Variants in GPC6 observed in about 807,000 individuals in gnomAD.
The protein encoded by GPC6 is glypican-6.
GPC6 carries 14 observed loss-of-function variants against 55.2 expected under a neutral mutation model. That is an observed-to-expected ratio of 0.25 (90% CI 0.17 to 0.40). The LOEUF is 0.40. Ranked by LOEUF, GPC6 falls within the 10% of genes least tolerant of loss-of-function variation. GPC6 has a pLI of 1.00. For synonymous variants in GPC6, 278 were observed against 259.6 expected (o/e 1.07, Z -0.68); for missense variants, 641 against 708.5 (o/e 0.90, Z 1.08).
intron 3 of GPC6, among the ~76,000 whole-genome samples, chr13:93,912,543 A>T (rs573653369): frequency 3.3e-5 from 5 of 152,098 alleles, no homozygotes; most frequent in African/African-American, 1.2e-4. Flanking sequence ...GGAGATCGAG[A>T]CCATCCTGGC....
chr13:94,144,202 C>T (rs150831338), intron 4 of GPC6, among the ~76,000 whole-genome samples: 2 of 152,030 alleles, frequency 1.3e-5, no homozygotes, highest in East Asian at 3.9e-4. Context: ...GTACCTGTAA[C>T]CACAGAGGGC....
At chr13:93,551,303 T>G (rs1250893538) in intron 2 of GPC6, among the ~76,000 whole-genome samples, 1 of 49,268 alleles carries the variant, frequency 2.0e-5, no homozygotes, top group Admixed American at 1.9e-4. Context: ...TTTACTGTTT[T>G]CTAACAAAAA....
chr13:94,199,739 A>C (rs1255849789), intron 4 of GPC6, among the ~76,000 whole-genome samples: 1 of 152,094 alleles, frequency 6.6e-6, no homozygotes, highest in South Asian at 2.1e-4. Flanking sequence ...AATAAATGCT[A>C]CCTCTTATTG....
At position 93,409,808 on chromosome 13, in the gene GPC6, A is replaced by AT. The variant is rs1379503163; in HGVS notation, c.161-135451dup. Among the ~76,000 whole-genome samples, 5 of 152,306 alleles carry AT rather than the reference A, an allele frequency of 3.3e-5. No individual in the cohort carries two copies. The South Asian group carries it at 8.3e-4, about 25-fold the overall frequency. On this transcript the variant is annotated intron_variant, in intron 1 of 8. Transcript: ENST00000377047. ...GGCGGGAATAATCAAAGGAGGATAG[A>AT]TTTTCACGTTCAAACTGTGAGATGG...
At chr13:93,534,631 C>T (rs1380091350) in intron 1 of GPC6, among the ~76,000 whole-genome samples, 1 of 152,098 alleles carries the variant, frequency 6.6e-6, no homozygotes, top group East Asian at 1.9e-4. Flanking sequence ...CTGCTGTCAC[C>T]TCAGCATCTT....
intron 2 of GPC6, among the ~76,000 whole-genome samples, chr13:93,773,548 T>C (rs904142614): frequency 1.3e-5 from 2 of 152,178 alleles, no homozygotes; most frequent in Admixed American, 6.5e-5. Flanking sequence ...CTCAGTCTTA[T>C]GGTATGTGAC....
At chr13:93,527,181 A>AT (rs1881683435) in intron 1 of GPC6, among the ~76,000 whole-genome samples, 1 of 152,250 alleles carries the variant, frequency 6.6e-6, no homozygotes, top group South Asian at 2.1e-4. Flanking sequence ...AGTCAAACAA[A>AT]TTAACATATC....
chr13:94,021,659 ATGATTTTTGTT>A, intron 3 of GPC6, among the ~76,000 whole-genome samples: 1 of 152,098 alleles, frequency 6.6e-6, no homozygotes, highest in African/African-American at 2.4e-5. Context: ...AATGAACTCA[ATGATTTTTGTT>A]ATTTTATTTA....
At chr13:94,348,248 T>C (rs1346112892) in intron 6 of GPC6, among the ~76,000 whole-genome samples, 1 of 152,228 alleles carries the variant, frequency 6.6e-6, no homozygotes. Context: ...AATGTCACAG[T>C]ATATGGCATT....
intron 2 of GPC6, among the ~76,000 whole-genome samples, chr13:93,779,920 C>G (rs1390811927): frequency 6.6e-6 from 1 of 152,152 alleles, no homozygotes; most frequent in Admixed American, 6.5e-5. Flanking sequence ...CTGGAAGATG[C>G]TACTCTTTTC....
At chr13:94,037,608 A>G (rs1024353312) in intron 4 of GPC6, among the ~76,000 whole-genome samples, 10 of 151,970 alleles carry the variant, frequency 6.6e-5, no homozygotes, top group African/African-American at 2.2e-4. Flanking sequence ...TAATATTATG[A>G]TCTCCATTTT....
chr13:94,172,346 G>A (rs781035728), intron 4 of GPC6, among the ~76,000 whole-genome samples: 1 of 151,872 alleles, frequency 6.6e-6, no homozygotes, highest in Non-Finnish European at 1.5e-5. Context: ...CGAGATGATC[G>A]AGTGATCTTA....
intron 4 of GPC6, among the ~76,000 whole-genome samples, chr13:94,240,020 C>T (rs1358605430): frequency 1.3e-5 from 2 of 152,088 alleles, no homozygotes; most frequent in African/African-American, 4.8e-5. Flanking sequence ...AAGCTGAGAG[C>T]TTAAACTTGA....
At chr13:93,748,323 G>A (rs1035424276) in intron 2 of GPC6, among the ~76,000 whole-genome samples, 1 of 151,988 alleles carries the variant, frequency 6.6e-6, no homozygotes, top group Non-Finnish European at 1.5e-5. Flanking sequence ...CATGTTTTAT[G>A]TAGTAATTCC....
At chr13:94,003,661 C>G (rs1452016891) in intron 3 of GPC6, among the ~76,000 whole-genome samples, 2 of 152,120 alleles carry the variant, frequency 1.3e-5, no homozygotes, top group Non-Finnish European at 2.9e-5. Flanking sequence ...ACTCAAGATT[C>G]TATGATATTA....
chr13:93,226,331 A>C (rs544400296), upstream of GPC6, among the ~76,000 whole-genome samples: 1 of 152,202 alleles, frequency 6.6e-6, no homozygotes, highest in Non-Finnish European at 1.5e-5. Flanking sequence ...GAAATAAAAA[A>C]AGGGGAAATT....
At chr13:94,001,490 C>A (rs1881798716) in intron 3 of GPC6, among the ~76,000 whole-genome samples, 1 of 152,024 alleles carries the variant, frequency 6.6e-6, no homozygotes, top group Non-Finnish European at 1.5e-5. Flanking sequence ...GATGTGTACA[C>A]TAAATTCTTA....
intron 6 of GPC6, among the ~76,000 whole-genome samples, chr13:94,349,422 A>G (rs1343809596): frequency 6.6e-6 from 1 of 152,184 alleles, no homozygotes; most frequent in Admixed American, 6.5e-5. Flanking sequence ...CCCTGAAGTT[A>G]TCATTCTCCA....
intron 3 of GPC6, among the ~76,000 whole-genome samples, chr13:94,026,415 G>T (rs1168907838): frequency 1.3e-5 from 2 of 151,700 alleles, no homozygotes; most frequent in Admixed American, 1.3e-4. Flanking sequence ...CTTGTTACCT[G>T]TGAGCTCAAG....
Sources: allele counts gnomAD v4.1 joint callset (sites outside exome capture counted in the v4.1 genomes callset), GRCh38; gene constraint gnomAD v4.1.1; transcripts MANE v1.5; gene names NCBI Gene and HGNC (gene_info 2026-07-23, HGNC 2026-07-21).